XKR6: variants seen among roughly 807,000 people sequenced by gnomAD.
The protein encoded by XKR6 is XK related 6, also known as XK-related protein 6.
XKR6 carries 22 observed loss-of-function variants against 56.7 expected under a neutral mutation model. That is an observed-to-expected ratio of 0.39 (90% CI 0.28 to 0.55). The LOEUF (loss-of-function observed/expected upper bound fraction) is 0.55. XKR6 is among the 20% of genes least tolerant of loss of function. The pLI is 0.66. For missense variants in XKR6, 852 were observed against 889.0 expected, an observed-to-expected ratio of 0.96 and a Z score of 0.53; for synonymous variants, 524 against 387.8, an observed-to-expected ratio of 1.35 and a Z score of -4.13.
At chr8:11,168,746 G>A (rs1472759451) in intron 1 of XKR6, among the ~76,000 whole-genome samples, 1 of 152,164 alleles carries the variant, frequency 6.6e-6, no homozygotes, top group Non-Finnish European at 1.5e-5. Context: ...CCTTTAAAAA[G>A]AGAAACAGCC....
At chr8:11,110,850 T>C (rs1798859633) in intron 1 of XKR6, among the ~76,000 whole-genome samples, 1 of 152,054 alleles carries the variant, frequency 6.6e-6, no homozygotes, top group African/African-American at 2.4e-5. Flanking sequence ...TCCTTTTTTT[T>C]TTTTGAGGCG....
chr8:10,924,568 G>T lies in XKR6; in HGVS notation c.961+66C>A, dbSNP rs1337410391. 3.9e-6 allele frequency: 6 copies of T among 1,540,544 alleles called. No individual in the cohort carries two copies. The Admixed American group carries it at 5.5e-5, about 14-fold the overall frequency. On this transcript the variant is annotated intron_variant, in intron 2 of 2. Coordinates refer to ENST00000416569, the MANE Select transcript of XKR6 (RefSeq NM_173683.4). The stretch of plus-strand genomic sequence containing the variant: ...AGCGTGCCAGGCACGAAGTGTGTGG[G>T]AGGCGGCCGTGGTCCCCAGGTGGAG...
chr8:11,099,083 G>A (rs950715344), intron 1 of XKR6, among the ~76,000 whole-genome samples: 25 of 151,994 alleles, frequency 1.6e-4, no homozygotes, highest in Non-Finnish European at 2.4e-4. Flanking sequence ...GTCCATTTTC[G>A]CCCTCCTCTG....
At chr8:10,927,456 G>T (rs1241219072) in intron 1 of XKR6, among the ~76,000 whole-genome samples, 4 of 152,138 alleles carry the variant, frequency 2.6e-5, no homozygotes, top group Admixed American at 6.5e-5. Context: ...GGTCTCAGGG[G>T]TACTCAGACT....
At chr8:10,915,713 C>G (rs1800545032) in intron 2 of XKR6, among the ~76,000 whole-genome samples, 1 of 152,196 alleles carries the variant, frequency 6.6e-6, no homozygotes, top group Non-Finnish European at 1.5e-5. Flanking sequence ...GGAGCTAGAG[C>G]AGGACTTGCT....
intron 2 of XKR6, among the ~76,000 whole-genome samples, chr8:10,917,235 G>C (rs1335714309): frequency 6.6e-6 from 1 of 152,130 alleles, no homozygotes; most frequent in African/African-American, 2.4e-5. Flanking sequence ...AGTATAGGAG[G>C]CTTTTCTAAT....
chr8:11,063,415 T>A (rs1031528902), intron 1 of XKR6, among the ~76,000 whole-genome samples: 4 of 151,798 alleles, frequency 2.6e-5, no homozygotes, highest in African/African-American at 9.7e-5. Context: ...GGAGGATCAC[T>A]TGCATCCAGG....
At chr8:11,109,390 C>G (rs1342551017) in intron 1 of XKR6, 1 of 152,176 alleles carries the variant, frequency 6.6e-6, no homozygotes, top group Admixed American at 6.5e-5. Context: ...AATCTTTGAG[C>G]CACATATCCA....
chr8:11,132,369 T>C (rs1328508745), intron 1 of XKR6, among the ~76,000 whole-genome samples: 1 of 152,006 alleles, frequency 6.6e-6, no homozygotes, highest in Admixed American at 6.6e-5. Flanking sequence ...TTTTCTTTTT[T>C]TTTCCCCCAG....
chr8:10,928,681 C>T (rs1311699396), intron 1 of XKR6, among the ~76,000 whole-genome samples: 1 of 152,216 alleles, frequency 6.6e-6, no homozygotes, highest in East Asian at 1.9e-4. Flanking sequence ...GGCCCGCGCC[C>T]TCTTCTGCCA....
In XKR6 at chr8:10,898,176, T is replaced by C. The variant is rs559409974; in HGVS notation, c.1702A>G (p.Met568Val). Residue 568 changes from methionine to valine, a missense_variant, in exon 3 of 3, where the codon ATG becomes GTG. Coordinates refer to ENST00000416569, the MANE Select transcript of XKR6 (RefSeq NM_173683.4). The surrounding 1 kb of genome is among the most constrained non-coding windows in gnomAD (Gnocchi z 6.6). ...TCLPVFQVRP[M>V]GPPTPLGRPY... ...CGCCCCAACGGGGTAGGGGGCCCCATGGGTCTCACTTGGAAAACAGGCAAG... is the reference window on the plus strand; with the variant it reads ...CGCCCCAACGGGGTAGGGGGCCCCACGGGTCTCACTTGGAAAACAGGCAAG... 5.3e-5 allele frequency: 86 copies of C among 1,614,064 alleles called. No homozygotes were observed. In the East Asian group the frequency reaches 6.0e-4, roughly 11 times the overall value.
intron 1 of XKR6, among the ~76,000 whole-genome samples, chr8:11,078,589 G>A (rs1800334945): frequency 6.6e-6 from 1 of 152,196 alleles, no homozygotes; most frequent in African/African-American, 2.4e-5. Context: ...GTGTGAGAGT[G>A]GCAGCCTTGA....
intron 2 of XKR6, among the ~76,000 whole-genome samples, chr8:10,922,824 A>G (rs1412853381): frequency 2.0e-5 from 3 of 152,208 alleles, no homozygotes. Context: ...CCAAGAAAGA[A>G]GGGAGGGATC....
intron 1 of XKR6, among the ~76,000 whole-genome samples, chr8:11,054,446 C>G (rs547748556): frequency 1.3e-5 from 2 of 152,308 alleles, no homozygotes; most frequent in African/African-American, 4.8e-5. Context: ...TATGCAATGT[C>G]CTGGGGAGGG....
chr8:11,126,830 C>T (rs1799823919), intron 1 of XKR6, among the ~76,000 whole-genome samples: 1 of 152,044 alleles, frequency 6.6e-6, no homozygotes, highest in Non-Finnish European at 1.5e-5. Context: ...ATGTATGTGC[C>T]CCTCCCACAA....
At chr8:11,035,434 T>C (rs1270434821) in intron 1 of XKR6, 1 of 473,144 alleles carries the variant, frequency 2.1e-6, no homozygotes, top group Non-Finnish European at 4.3e-6. Flanking sequence ...AGGCCAAATC[T>C]CTGCACCCAA....
intron 1 of XKR6, among the ~76,000 whole-genome samples, chr8:11,117,043 AT>A (rs1171469778): frequency 6.6e-6 from 1 of 152,238 alleles, no homozygotes; most frequent in Non-Finnish European, 1.5e-5. Flanking sequence ...GGATTGATGA[AT>A]TCTAGTGAGT....
rs376734723 is a variant in XKR6 at position 11,195,680 on chromosome 8, G to A, written c.764+4896C>T. Reference sequence around the variant, plus strand: ...TTTTTTTTTTTTGAGATGGAGTCTCGCTCTGTCGCCCAGGCTGGAGTGCAG... The same window carrying A: ...TTTTTTTTTTTTGAGATGGAGTCTCACTCTGTCGCCCAGGCTGGAGTGCAG... On this transcript the variant is annotated intron_variant, in intron 1 of 2. Transcript: ENST00000416569. Among the ~76,000 whole-genome samples the A allele has an allele frequency of 2.8e-3, 404 of 143,464 alleles. 2 individuals carry two copies. The South Asian group carries it at 0.033, about 12-fold the overall frequency. 94.1% of individuals were successfully genotyped at this position (143,464 alleles called of 152,430 possible).
chr8:11,164,009 T>C (rs549149479), intron 1 of XKR6, among the ~76,000 whole-genome samples: 2 of 152,128 alleles, frequency 1.3e-5, no homozygotes, highest in African/African-American at 4.8e-5. Context: ...CAAACAGTAA[T>C]GTGAGCATGT....
Sources: gnomAD v4.1 joint callset for allele counts (sites outside exome capture counted in the v4.1 genomes callset) on GRCh38, gnomAD v4.1.1 for gene constraint, Gnocchi (gnomAD v3.1) non-coding constraint, MANE v1.5 for transcripts, NCBI Gene and HGNC (gene_info 2026-07-23, HGNC 2026-07-21) for gene names.